The following ROBO1 variants were observed in gnomAD, a reference collection of about 807,000 sequenced individuals.
ROBO1 encodes the protein roundabout guidance receptor 1.
In ROBO1, 149 loss-of-function variants were observed where a neutral mutation model predicts 195.9. The ratio of observed to expected loss-of-function variants is 0.76; its 90% confidence interval spans 0.67 to 0.87. The LOEUF is 0.87. ROBO1 is among the 40% of genes least tolerant of loss of function. The pLI, the probability that ROBO1 is intolerant of heterozygous loss-of-function variation, is 0.00. For missense variants in ROBO1, 1,933 were observed against 2,068.3 expected, an observed-to-expected ratio of 0.93 and a Z score of 1.27; for synonymous variants, 816 against 733.2, an observed-to-expected ratio of 1.11 and a Z score of -1.82.
chr3:79,501,975 G>A (rs1940096379), intron 2 of ROBO1, among the ~76,000 whole-genome samples: 1 of 152,204 alleles, frequency 6.6e-6, no homozygotes, highest in Non-Finnish European at 1.5e-5. Flanking sequence ...AGTCGTTTGA[G>A]TAAGATAGCT....
chr3:79,521,832 C>T (rs1941222123), intron 2 of ROBO1, among the ~76,000 whole-genome samples: 1 of 152,066 alleles, frequency 6.6e-6, no homozygotes, highest in East Asian at 1.9e-4. Flanking sequence ...GGGGAAGCAC[C>T]TGGATGCTGG....
At chr3:79,700,337 G>GTC (rs1947585766) in intron 1 of ROBO1, among the ~76,000 whole-genome samples, 2 of 150,020 alleles carry the variant, frequency 1.3e-5, no homozygotes, top group African/African-American at 5.0e-5. Context: ...GTGTGTGTGT[G>GTC]TGTGTGTGTG....
intron 2 of ROBO1, among the ~76,000 whole-genome samples, chr3:79,194,553 T>C (rs1217228305): frequency 1.3e-5 from 2 of 151,706 alleles, no homozygotes. Flanking sequence ...CTTCAAGAGT[T>C]GTTAAATTTG....
intron 2 of ROBO1, among the ~76,000 whole-genome samples, chr3:79,489,701 A>T (rs1455039577): frequency 1.3e-5 from 2 of 152,034 alleles, no homozygotes; most frequent in Non-Finnish European, 2.9e-5. Flanking sequence ...CTGTTTTAGA[A>T]AAAAAGGTAA....
intron 1 of ROBO1, among the ~76,000 whole-genome samples, chr3:79,640,236 A>C (rs1475262307): frequency 6.6e-6 from 1 of 152,134 alleles, no homozygotes; most frequent in Non-Finnish European, 1.5e-5. Flanking sequence ...TTTAATATGA[A>C]TTGCAGTAGT....
chr3:79,371,340 T>C (rs1003793163), intron 2 of ROBO1, among the ~76,000 whole-genome samples: 1 of 152,192 alleles, frequency 6.6e-6, no homozygotes, highest in African/African-American at 2.4e-5. Context: ...CATATTTGAA[T>C]ACCTATTTCC....
chr3:79,584,644 C>A (rs993027257), intron 2 of ROBO1, among the ~76,000 whole-genome samples: 1 of 129,870 alleles, frequency 7.7e-6, no homozygotes, highest in African/African-American at 3.5e-5. Context: ...TGTGTATGTT[C>A]ATACACACAC....
At chr3:78,781,375 C>G (rs540857282) in intron 4 of ROBO1, among the ~76,000 whole-genome samples, 1 of 152,126 alleles carries the variant, frequency 6.6e-6, no homozygotes, top group Non-Finnish European at 1.5e-5. Flanking sequence ...ATCTAGGTAG[C>G]CTCAAAGCAC....
intron 3 of ROBO1, among the ~76,000 whole-genome samples, chr3:78,972,275 G>C (rs1426359509): frequency 6.6e-6 from 1 of 152,104 alleles, no homozygotes; most frequent in Non-Finnish European, 1.5e-5. Flanking sequence ...ACCTTTGAAG[G>C]TCTATTAAAC....
intron 3 of ROBO1, among the ~76,000 whole-genome samples, chr3:78,976,714 TC>T (rs1246662968): frequency 2.6e-5 from 4 of 152,206 alleles, no homozygotes; most frequent in African/African-American, 9.6e-5. Flanking sequence ...ATACAGCTAT[TC>T]CTTTTTGAAG....
chr3:79,507,351 A>G (rs1235657059), intron 2 of ROBO1, among the ~76,000 whole-genome samples: 1 of 152,168 alleles, frequency 6.6e-6, no homozygotes, highest in Non-Finnish European at 1.5e-5. Flanking sequence ...TTAGAAATAA[A>G]TGGGGGCAGG....
At chr3:79,645,574 A>G (rs1250409751) in intron 1 of ROBO1, among the ~76,000 whole-genome samples, 1 of 152,148 alleles carries the variant, frequency 6.6e-6, no homozygotes, top group Admixed American at 6.6e-5. Flanking sequence ...GATCCAATGC[A>G]ACCCTATCAA....
chr3:79,541,763 G>GTT (rs1244725848), intron 2 of ROBO1, among the ~76,000 whole-genome samples: 1 of 150,048 alleles, frequency 6.7e-6, no homozygotes, highest in Non-Finnish European at 1.5e-5. Context: ...ATATGTGTGT[G>GTT]TGTCTATATA....
chr3:78,809,040 T>C (rs1222590347), intron 4 of ROBO1, among the ~76,000 whole-genome samples: 2 of 151,962 alleles, frequency 1.3e-5, no homozygotes, highest in Non-Finnish European at 2.9e-5. Flanking sequence ...TAAAAGAAAC[T>C]ACCATCAGAG....
At chr3:78,785,687 T>C (rs1227721269) in intron 4 of ROBO1, among the ~76,000 whole-genome samples, 1 of 152,154 alleles carries the variant, frequency 6.6e-6, no homozygotes, top group African/African-American at 2.4e-5. Flanking sequence ...ATTCCAATTA[T>C]TCCTACAATT....
intron 1 of ROBO1, among the ~76,000 whole-genome samples, chr3:79,767,452 G>T (rs912174573): frequency 6.6e-6 from 1 of 152,160 alleles, no homozygotes; most frequent in Non-Finnish European, 1.5e-5. Flanking sequence ...TTAAGCAGCC[G>T]CAGCCTACCT....
At chr3:79,564,153 A>G (rs1177258742) in intron 2 of ROBO1, among the ~76,000 whole-genome samples, 1 of 87,810 alleles carries the variant, frequency 1.1e-5, no homozygotes, top group African/African-American at 6.2e-5. Context: ...ACTGAATAAC[A>G]AAAAAAAAGT....
At chr3:79,196,546 T>C (rs2081641120) in intron 2 of ROBO1, among the ~76,000 whole-genome samples, 1 of 151,708 alleles carries the variant, frequency 6.6e-6, no homozygotes, top group Non-Finnish European at 1.5e-5. Context: ...TGCTAGTGAG[T>C]TAACTTATAG....
At chr3:79,240,832 G>A (rs1361936335) in intron 2 of ROBO1, among the ~76,000 whole-genome samples, 1 of 151,768 alleles carries the variant, frequency 6.6e-6, no homozygotes. Context: ...TTGTAGAGAT[G>A]GGATTTTCTC....
Sources: gnomAD v4.1 joint callset for allele counts (sites outside exome capture counted in the v4.1 genomes callset) on GRCh38, gnomAD v4.1.1 for gene constraint, MANE v1.5 for transcripts, NCBI Gene and HGNC (gene_info 2026-07-23, HGNC 2026-07-21) for gene names.